Variants in PBLD observed in about 807,000 individuals in gnomAD.
PBLD encodes phenazine biosynthesis like protein domain containing, also known as phenazine biosynthesis-like domain-containing protein.
A neutral mutation model predicts 31.3 loss-of-function variants in PBLD; 26 were observed. The ratio of observed to expected loss-of-function variants is 0.83; its 90% CI spans 0.61 to 1.15. The LOEUF is 1.15. PBLD is among the 50% of genes most tolerant of loss of function. PBLD has a pLI of 0.00. For synonymous variants in PBLD, 114 were observed against 129.0 expected (o/e 0.88, Z 0.79); for missense variants, 307 against 351.7 (o/e 0.87, Z 1.02).
At chr10:68,291,517 C>T (rs192005766) in intron 6 of PBLD, among the ~76,000 whole-genome samples, 1 of 152,098 alleles carries the variant, frequency 6.6e-6, no homozygotes, top group Admixed American at 6.5e-5. Context: ...CAGGAAGGTT[C>T]CATTTTTTCC....
intron 1 of PBLD, among the ~76,000 whole-genome samples, 192 bp downstream of exon 1, chr10:68,332,592 G>GT (rs1229906681): frequency 3.9e-5 from 6 of 152,180 alleles, no homozygotes; most frequent in Non-Finnish European, 8.8e-5. Context: ...AACTGATCTA[G>GT]AAGGCCAGGG....
chr10:68,291,832 G>C (rs1159072885), intron 6 of PBLD, among the ~76,000 whole-genome samples, 178 bp downstream of exon 6: 1 of 152,128 alleles, frequency 6.6e-6, no homozygotes, highest in African/African-American at 2.4e-5. Context: ...GTGACAATCA[G>C]GAGCCAAGGA....
intron 1 of PBLD, among the ~76,000 whole-genome samples, chr10:68,319,055 G>GAGAAAGAAAGAA (rs1554860578): frequency 3.6e-5 from 2 of 55,340 alleles, no homozygotes; most frequent in Non-Finnish European, 6.5e-5. Flanking sequence ...GAAAGAGAGA[G>GAGAAAGAAAGAA]AAAGAAAGAA....
At chr10:68,289,248 C>G (rs1204073004) in intron 6 of PBLD, among the ~76,000 whole-genome samples, 2 of 152,104 alleles carry the variant, frequency 1.3e-5, no homozygotes, top group Non-Finnish European at 2.9e-5. Context: ...GGCATTGTGG[C>G]CAGGTGCAGT....
chr10:68,330,948 G>A (rs575322246), intron 1 of PBLD, among the ~76,000 whole-genome samples: 10 of 152,068 alleles, frequency 6.6e-5, no homozygotes, highest in Non-Finnish European at 1.5e-4. Context: ...TCAACTTCCA[G>A]GGCACAAGCC....
At position 68,305,976 on chromosome 10, in the gene PBLD, G is replaced by A. The variant is rs182030126; in HGVS notation, c.84+785C>T. On this transcript the variant is annotated intron_variant, in intron 2 of 9. Transcript: ENST00000358769. ...AACTGTCTTCTTGAAGTAATTTTCA[G>A]ATAATCTACTCTTGTGCTAACTGCT... 9.2e-5 allele frequency among the ~76,000 whole-genome samples: 14 copies of A among 152,196 alleles called. No homozygotes were observed. In the East Asian group the frequency reaches 2.7e-3, roughly 29 times the overall value.
At position 68,295,165 on chromosome 10, in the gene PBLD, G is replaced by A. The variant is rs191025844; in HGVS notation, c.283+1101C>T. Among the ~76,000 whole-genome samples the A allele has an allele frequency of 2.6e-5, 4 of 152,288 alleles. No homozygotes were observed. The East Asian group carries it at 7.7e-4, about 29-fold the overall frequency. ...ACTCCTTTTAAGGTGAATGTATACA[G>A]TGGGGGCCCAGGAATCTTCAAATTT... On this transcript the variant is annotated intron_variant, in intron 4 of 9. Transcript: ENST00000358769.
Position 68,292,176 on chromosome 10 carries a change from C to G in PBLD, c.346G>C (p.Glu116Gln). The stretch of plus-strand genomic sequence containing the variant: ...GGCAAGTCCAGGACGATGCCATCCT[C>G]TGCTCGTCTGGCCCTTAGTTCTCCA... ...LSGELRARRA[E>Q]DGIVLDLPLY... Residue 116 changes from glutamate (E) to glutamine (Q), a missense_variant, in exon 5 of 10, where the codon GAG becomes CAG. Transcript: ENST00000358769. The G allele has an allele frequency of 6.2e-7, 1 of 1,613,860 alleles. No homozygotes were observed. The highest frequency in any genetic ancestry group is 8.5e-7 in the Non-Finnish European group (1 of 1,180,022).
chr10:68,325,572 A>C (rs556481611), intron 1 of PBLD, among the ~76,000 whole-genome samples: 195 of 152,294 alleles, frequency 1.3e-3, no homozygotes, highest in African/African-American at 4.4e-3. Flanking sequence ...CTCAAAAACA[A>C]TACAAAAAAA....
At position 68,285,348 on chromosome 10, in the gene PBLD, C is replaced by T. The variant is rs200219990; in HGVS notation, c.754G>A (p.Ala252Thr). The T allele has an allele frequency of 3.1e-6, 5 of 1,613,872 alleles. No homozygotes were observed. The highest frequency in any genetic ancestry group is 2.2e-5 in the South Asian group (2 of 91,058). The change falls in exon 9 of 10, where the codon GCT becomes ACT. Residue 252 changes from alanine (A) to threonine (T), a missense_variant and splice_region_variant. Ala to Thr is a moderately conservative substitution (Grantham distance 58). Transcript: ENST00000358769. The part of the protein sequence containing the change: ...SQHLGKKEMH[A>T]FQCSHRGGEL... ...AGAAATTGGTAAAGAGCTGTCCTACCATGCATTTCTTTCTTCCCCAGATGC... is the reference window on the plus strand; with the variant it reads ...AGAAATTGGTAAAGAGCTGTCCTACTATGCATTTCTTTCTTCCCCAGATGC...
At chr10:68,292,262 A>G (rs749028931) in intron 4 of PBLD, 24 bp from the exon 5 acceptor site, 101 of 1,582,500 alleles carry the variant, frequency 6.4e-5, no homozygotes, top group Non-Finnish European at 1.9e-5. Context: ...GAATCAAGAA[A>G]TAGGAAATAA....
chr10:68,297,091 T>C, intron 2 of PBLD, 106 bp from the exon 3 acceptor site: 2 of 866,720 alleles, frequency 2.3e-6, no homozygotes, highest in South Asian at 1.5e-5. Context: ...TAATAAGAGT[T>C]ACACGCTTAA....
rs2045260750 is a variant in PBLD at position 68,332,819 on chromosome 10, G to C, written c.-95C>G. Reference sequence around the variant, plus strand: ...GGGACTGCGAGTGACTTCTGACGCAGATTCCCAAGATGAGAGAGGCTGGAG... The same window carrying C: ...GGGACTGCGAGTGACTTCTGACGCACATTCCCAAGATGAGAGAGGCTGGAG... On this transcript the variant is annotated 5_prime_UTR_variant, in exon 1 of 10. The change creates a new upstream start codon in the 5' untranslated region. Coordinates refer to ENST00000358769, the MANE Select transcript of PBLD (RefSeq NM_022129.4). The C allele has an allele frequency of 6.6e-6, 1 of 152,432 alleles. No individual in the cohort carries two copies. Among genetic ancestry groups the C allele is most frequent in the African/African-American group, 2.4e-5 (1 of 41,462 alleles). 9.4% of individuals were successfully genotyped at this position (152,432 alleles called of 1,614,324 possible).
At chr10:68,299,309 A>T (rs1266158862) in intron 2 of PBLD, among the ~76,000 whole-genome samples, 1 of 152,044 alleles carries the variant, frequency 6.6e-6, no homozygotes, top group Non-Finnish European at 1.5e-5. Flanking sequence ...TTAGATTTTG[A>T]ATTTTAAAGA....
chr10:68,314,393 G>A (rs575065785), intron 1 of PBLD, among the ~76,000 whole-genome samples: 4 of 152,186 alleles, frequency 2.6e-5, no homozygotes, highest in East Asian at 1.9e-4. Flanking sequence ...TATTCTTTAC[G>A]AAAAGATATT....
intron 1 of PBLD, among the ~76,000 whole-genome samples, chr10:68,328,270 A>C (rs1393075636): frequency 6.6e-6 from 1 of 152,210 alleles, no homozygotes; most frequent in Admixed American, 6.5e-5. Context: ...TAGGCAAAAG[A>C]TTATGATAAT....
At chr10:68,309,007 G>A (rs1452246174) in intron 1 of PBLD, among the ~76,000 whole-genome samples, 1 of 150,282 alleles carries the variant, frequency 6.7e-6, no homozygotes, top group Admixed American at 6.8e-5. Flanking sequence ...CCATGGATGT[G>A]CCTGGGGAGA....
At chr10:68,292,294 TC>T in intron 4 of PBLD, 56 bp from the exon 5 acceptor site, 2 of 1,402,450 alleles carry the variant, frequency 1.4e-6, no homozygotes, top group Non-Finnish European at 1.0e-6. Flanking sequence ...TATGCGCATG[TC>T]CATTTCAAAC....
In PBLD at chr10:68,284,056, A is replaced by T; in HGVS notation, c.*121T>A. 2 of 987,022 alleles carry T rather than the reference A, an allele frequency of 2.0e-6. No homozygotes were observed. The highest frequency in any genetic ancestry group is 1.6e-5 in the African/African-American group (1 of 60,888). The allele number at this position is 987,022 out of a possible 1,614,324, so 61.1% of individuals were successfully genotyped here. ...GCCACTGCGCCTGGCCCATTTTTCG[A>T]TTTTTAACATGAGGATTAAGTAGAC... is the stretch of plus-strand genomic sequence containing the variant. On this transcript the variant is annotated 3_prime_UTR_variant, in exon 10 of 10. Transcript: ENST00000358769.
Sources: gnomAD v4.1 joint callset for allele counts (sites outside exome capture counted in the v4.1 genomes callset) on GRCh38, gnomAD v4.1.1 for gene constraint, MANE v1.5 for transcripts, NCBI Gene and HGNC (gene_info 2026-07-23, HGNC 2026-07-21) for gene names.